The following LEPR variants were observed in gnomAD, a reference collection of about 807,000 sequenced individuals.
LEPR encodes the protein OB receptor.
A neutral mutation model predicts 114.7 loss-of-function variants in LEPR; 56 were observed. The ratio of observed to expected loss-of-function variants is 0.49; its 90% CI spans 0.39 to 0.61. LEPR has a LOEUF of 0.61. LEPR is among the 20% of genes least tolerant of loss of function. The pLI is 0.00. For synonymous variants in LEPR, 443 were observed against 461.4 expected, an observed-to-expected ratio of 0.96 and a Z score of 0.51; for missense variants, 1,202 against 1,352.9, an observed-to-expected ratio of 0.89 and a Z score of 1.75.
At chr1:65,544,177 T>C (rs1651459210) in intron 2 of LEPR, among the ~76,000 whole-genome samples, 2 of 151,114 alleles carry the variant, frequency 1.3e-5, no homozygotes, top group African/African-American at 4.9e-5. Flanking sequence ...GAAGAGGTCA[T>C]TAGGTATTTT....
intron 2 of LEPR, among the ~76,000 whole-genome samples, chr1:65,466,403 C>G (rs745729234): frequency 1.3e-5 from 2 of 152,196 alleles, no homozygotes; most frequent in Non-Finnish European, 2.9e-5. Context: ...CGCTGTTAGT[C>G]TGATGGGCTT....
intron 2 of LEPR, among the ~76,000 whole-genome samples, chr1:65,440,514 G>GT (rs755171132): frequency 1.3e-5 from 2 of 152,150 alleles, no homozygotes; most frequent in Admixed American, 1.3e-4. Context: ...GGTGGCTTCT[G>GT]TTTAAGATAC....
At chr1:65,547,915 G>A (rs1179556335) in intron 2 of LEPR, among the ~76,000 whole-genome samples, 1 of 146,746 alleles carries the variant, frequency 6.8e-6, no homozygotes, top group African/African-American at 2.6e-5. Context: ...GTCAATTTTG[G>A]ATCTTTCCTG....
intron 5 of LEPR, among the ~76,000 whole-genome samples, chr1:65,573,966 A>C (rs939384108): frequency 6.6e-6 from 1 of 152,238 alleles, no homozygotes; most frequent in Non-Finnish European, 1.5e-5. Flanking sequence ...ACATGTAAAA[A>C]AGGATGAATG....
At chr1:65,607,026 C>T (rs1656858857) in intron 11 of LEPR, among the ~76,000 whole-genome samples, 1 of 152,090 alleles carries the variant, frequency 6.6e-6, no homozygotes, top group Admixed American at 6.6e-5. Flanking sequence ...CATATTGTGC[C>T]AATCCAGGTA....
At chr1:65,631,352 C>T (rs978746008) in intron 19 of LEPR, among the ~76,000 whole-genome samples, 8 of 152,062 alleles carry the variant, frequency 5.3e-5, no homozygotes, top group South Asian at 2.1e-4. Flanking sequence ...TGTGTTTTTA[C>T]GTGCCATTTC....
chr1:65,573,396 T>C (rs1654348767), intron 5 of LEPR, among the ~76,000 whole-genome samples: 1 of 152,118 alleles, frequency 6.6e-6, no homozygotes, highest in Non-Finnish European at 1.5e-5. Flanking sequence ...AAAAGGTGCG[T>C]TTTATATTTC....
chr1:65,615,188 C>T (rs1047767183), intron 14 of LEPR, among the ~76,000 whole-genome samples: 3 of 152,126 alleles, frequency 2.0e-5, no homozygotes. Context: ...TTAGAGGCAT[C>T]TCACCGGCAA....
At chr1:65,487,987 T>C (rs1313842791) in intron 2 of LEPR, among the ~76,000 whole-genome samples, 1 of 151,006 alleles carries the variant, frequency 6.6e-6, no homozygotes, top group African/African-American at 2.4e-5. Flanking sequence ...CTCTCTTTCT[T>C]TCATCTTTCT....
At chr1:65,527,886 T>A (rs1324437843) in intron 2 of LEPR, among the ~76,000 whole-genome samples, 1 of 152,168 alleles carries the variant, frequency 6.6e-6, no homozygotes, top group African/African-American at 2.4e-5. Context: ...AGAACTCAAA[T>A]ATACCCTGGT....
intron 16 of LEPR, 96 bp from the exon 17 acceptor site, chr1:65,619,831 AT>A (rs1237004964): frequency 1.0e-5 from 10 of 975,260 alleles, no homozygotes; most frequent in African/African-American, 1.6e-5. Context: ...ATGTTTGGAA[AT>A]ATATGATAGT....
chr1:65,493,348 A>C (rs1053483250), intron 2 of LEPR, among the ~76,000 whole-genome samples: 1 of 152,116 alleles, frequency 6.6e-6, no homozygotes, highest in African/African-American at 2.4e-5. Flanking sequence ...ATTCTCCACA[A>C]TAGATTTTGA....
intron 19 of LEPR, among the ~76,000 whole-genome samples, chr1:65,623,986 AC>A (rs1041917559): frequency 6.6e-6 from 1 of 151,574 alleles, no homozygotes; most frequent in Non-Finnish European, 1.5e-5. Context: ...AAGAATTTCT[AC>A]CCCCTTTAAG....
intron 2 of LEPR, among the ~76,000 whole-genome samples, chr1:65,448,570 T>G (rs1344165274): frequency 6.6e-6 from 1 of 152,232 alleles, no homozygotes; most frequent in Non-Finnish European, 1.5e-5. Context: ...GCTTCTGTCT[T>G]CTAAAAGAGA....
chr1:65,637,144 G>A lies in LEPR; in HGVS notation c.*129G>A. 1 of 1,120,878 alleles carries A rather than the reference G, an allele frequency of 8.9e-7. No individual in the cohort carries two copies. Among genetic ancestry groups the A allele is most frequent in the Non-Finnish European group, 1.3e-6 (1 of 796,430 alleles). The allele number at this position is 1,120,878 out of a possible 1,614,324, so 69.4% of individuals were successfully genotyped here. ...AAAATAATTGTTCCAAATGAATGTT[G>A]TCTGTTTGTTCTCTCTTAGTAACAT... On this transcript the variant is annotated 3_prime_UTR_variant, in exon 20 of 20. Coordinates refer to ENST00000349533, the MANE Select transcript of LEPR (RefSeq NM_002303.6).
intron 1 of LEPR, among the ~76,000 whole-genome samples, chr1:65,424,349 T>C (rs1255802246): frequency 6.6e-6 from 1 of 152,232 alleles, no homozygotes; most frequent in Non-Finnish European, 1.5e-5. Context: ...GAGGCAGTTC[T>C]GGATATAATT....
chr1:65,488,249 TTTCTTTC>T (rs1363328408), intron 2 of LEPR, among the ~76,000 whole-genome samples: 1 of 139,490 alleles, frequency 7.2e-6, no homozygotes, highest in African/African-American at 2.8e-5. Context: ...TCTTTCTTTC[TTTCTTTC>T]TTTTCTTTCT....
chr1:65,434,648 CTTTCCACCCCT>C, intron 2 of LEPR: 1 of 985,442 alleles, frequency 1.0e-6, no homozygotes, highest in South Asian at 4.7e-5. Context: ...GACAGTGCAA[CTTTCCACCCCT>C]TTTCCTAAGA....
chr1:65,468,521 T>C (rs1177907125), intron 2 of LEPR, among the ~76,000 whole-genome samples: 1 of 152,174 alleles, frequency 6.6e-6, no homozygotes, highest in East Asian at 1.9e-4. Flanking sequence ...TATTTTTGTT[T>C]TGTAACCTTG....
Sources: gnomAD v4.1 joint callset for allele counts (sites outside exome capture counted in the v4.1 genomes callset) on GRCh38, gnomAD v4.1.1 for gene constraint, MANE v1.5 for transcripts, NCBI Gene and HGNC (gene_info 2026-07-23, HGNC 2026-07-21) for gene names.